The following ARHGAP8 variants were observed in gnomAD, a reference collection of about 807,000 sequenced individuals.
The protein encoded by ARHGAP8 is rho GTPase-activating protein 8.
A neutral mutation model predicts 46.1 loss-of-function variants in ARHGAP8; 62 were observed. The ratio of observed to expected loss-of-function variants is 1.34; its 90% CI spans 1.10 to 1.66. The LOEUF (loss-of-function observed/expected upper bound fraction) is 1.66, where lower values mean the gene tolerates loss of function less well. Ranked by LOEUF, ARHGAP8 falls within the 40% of genes most tolerant of loss-of-function variation. The probability of loss-of-function intolerance (pLI) is 0.00; values close to 1 mark genes in which losing one functional copy is unlikely to be tolerated. For missense variants in ARHGAP8, 923 were observed against 568.4 expected (o/e 1.62, Z -6.34); for synonymous variants, 375 against 243.1 (o/e 1.54, Z -5.05).
At chr22:44,767,034 T>C (rs1025884236) in intron 1 of ARHGAP8, among the ~76,000 whole-genome samples, 55 of 152,240 alleles carry the variant, frequency 3.6e-4, no homozygotes, top group African/African-American at 1.3e-3. Context: ...TAAAAGAAAA[T>C]GCAGAGCCGG....
intron 1 of ARHGAP8, among the ~76,000 whole-genome samples, chr22:44,762,190 T>C (rs1307875996): frequency 1.3e-5 from 2 of 152,176 alleles, no homozygotes; most frequent in Admixed American, 6.5e-5. Flanking sequence ...GTGATCCCAG[T>C]GAGCCGGAAG....
At chr22:44,762,921 TG>T (rs1304305194) in intron 1 of ARHGAP8, among the ~76,000 whole-genome samples, 2 of 152,062 alleles carry the variant, frequency 1.3e-5, no homozygotes, top group South Asian at 2.1e-4. Context: ...AGCTTCAGGA[TG>T]GGGGCTGTCC....
At chr22:44,777,568 C>A (rs934495620) in intron 1 of ARHGAP8, among the ~76,000 whole-genome samples, 1 of 152,034 alleles carries the variant, frequency 6.6e-6, no homozygotes, top group Non-Finnish European at 1.5e-5. Context: ...CTGCTCGTTA[C>A]CCATTTAACA....
chr22:44,800,581 CCA>C (rs1379387857), intron 2 of ARHGAP8, among the ~76,000 whole-genome samples: 7 of 126,014 alleles, frequency 5.6e-5, no homozygotes, highest in African/African-American at 1.9e-4. Flanking sequence ...CCGCAGCTGT[CCA>C]TGTGTGGGGG....
chr22:44,852,213 AAAAAGG>A (rs1569180866), intron 10 of ARHGAP8, among the ~76,000 whole-genome samples: 31 of 143,614 alleles, frequency 2.2e-4, no homozygotes, highest in African/African-American at 6.7e-4. Flanking sequence ...AAAAAAAAAA[AAAAAGG>A]AAGGGAGGAA....
intron 7 of ARHGAP8, among the ~76,000 whole-genome samples, chr22:44,835,231 C>CTA (rs71188491): frequency 0.06 from 8,736 of 146,786 alleles, 488 homozygotes; most frequent in African/African-American, 0.15. Flanking sequence ...GTTTCTTTTG[C>CTA]TATATATATA....
chr22:44,824,907 A>G (rs778452228), intron 6 of ARHGAP8, among the ~76,000 whole-genome samples: 1 of 151,990 alleles, frequency 6.6e-6, no homozygotes, highest in Non-Finnish European at 1.5e-5. Context: ...TGTTGGGATT[A>G]CAGGCGTGAG....
chr22:44,787,625 G>A (rs554161488), intron 2 of ARHGAP8, among the ~76,000 whole-genome samples: 188 of 152,220 alleles, frequency 1.2e-3, no homozygotes, highest in African/African-American at 4.3e-3. Flanking sequence ...GATTATAGGC[G>A]TGAGCCACCG....
At chr22:44,780,524 T>C (rs1926766966) in intron 1 of ARHGAP8, among the ~76,000 whole-genome samples, 1 of 150,264 alleles carries the variant, frequency 6.7e-6, no homozygotes, top group African/African-American at 2.5e-5. Flanking sequence ...TAGCCGGACA[T>C]GGTGGCGGGC....
intron 6 of ARHGAP8, among the ~76,000 whole-genome samples, chr22:44,823,204 T>C (rs930589618): frequency 1.3e-5 from 2 of 152,102 alleles, no homozygotes; most frequent in African/African-American, 4.8e-5. Context: ...GGGAGTGTGG[T>C]CTCTGCCCTC....
Position 44,793,832 on chromosome 22 carries a change from C to T in ARHGAP8, c.79+7226C>T, listed in dbSNP as rs112528352. ...CTTCCATATTATATCATATTGAAGC[C>T]TGGTTTTGATGTGCTGGCCTGTGTT... is the stretch of plus-strand genomic sequence containing the variant. On this transcript the variant is annotated intron_variant, in intron 2 of 11. Coordinates refer to ENST00000356099, the MANE Select transcript of ARHGAP8 (RefSeq NM_181335.3). Among the ~76,000 whole-genome samples, 780 of 152,238 alleles carry T rather than the reference C, an allele frequency of 5.1e-3. 4 individuals carry two copies. The highest frequency in any genetic ancestry group is 0.018 in the African/African-American group (752 of 41,542).
At chr22:44,755,636 G>T (rs2146979387) in intron 1 of ARHGAP8, among the ~76,000 whole-genome samples, 1 of 152,296 alleles carries the variant, frequency 6.6e-6, no homozygotes, top group South Asian at 2.1e-4. Flanking sequence ...GCTTCTGGCA[G>T]CCTGTTGTGT....
In ARHGAP8 at chr22:44,808,439, G is replaced by A. The variant is rs1929088611; in HGVS notation, c.299+1G>A. On this transcript the variant is annotated splice_donor_variant, in intron 4 of 11. Transcript: ENST00000356099. LOFTEE classifies it high-confidence loss of function. The stretch of plus-strand genomic sequence containing the variant: ...GCGCATACAAGGAGTTCGATAGGAA[G>A]TACGTGCCCGCAAGCCTTCAGGGAC... 5 of 1,613,924 alleles carry A rather than the reference G, an allele frequency of 3.1e-6. No homozygotes were observed. The South Asian group carries it at 3.3e-5, about 11-fold the overall frequency.
Position 44,822,355 on chromosome 22 carries a change from G to T in ARHGAP8, c.387-16G>T. 6.3e-7 allele frequency: 1 copy of T among 1,575,284 alleles called. No individual in the cohort carries two copies. The highest frequency in any genetic ancestry group is 1.2e-5 in the South Asian group (1 of 83,480). ...GCGCCTAATCGTTCTTTATTCTCTT[G>T]CTTCTGCTTTCTTAGTCACAAGTTT... On this transcript the variant is annotated splice_polypyrimidine_tract_variant and intron_variant, in intron 5 of 11. Coordinates refer to ENST00000356099, the MANE Select transcript of ARHGAP8 (RefSeq NM_181335.3).
intron 1 of ARHGAP8, among the ~76,000 whole-genome samples, chr22:44,780,750 A>G (rs1376362014): frequency 6.6e-6 from 1 of 152,186 alleles, no homozygotes; most frequent in Non-Finnish European, 1.5e-5. Flanking sequence ...GGCCAATGCC[A>G]TTAGTCCATG....
At chr22:44,816,808 A>T (rs1929778195) in intron 5 of ARHGAP8, among the ~76,000 whole-genome samples, 2 of 150,688 alleles carry the variant, frequency 1.3e-5, no homozygotes, top group Admixed American at 6.6e-5. Context: ...TGTCTCAAAA[A>T]AAAAAAAAAA....
intron 4 of ARHGAP8, 120 bp downstream of exon 4, chr22:44,808,558 G>A (rs1929099322): frequency 6.6e-7 from 1 of 1,512,040 alleles, no homozygotes; most frequent in African/African-American, 1.4e-5. Context: ...GGCGGAGGGT[G>A]GAGGGTGAGC....
At chr22:44,753,872 C>G (rs1924454018) in intron 1 of ARHGAP8, among the ~76,000 whole-genome samples, 2 of 152,198 alleles carry the variant, frequency 1.3e-5, no homozygotes, top group African/African-American at 4.8e-5. Flanking sequence ...TGGCATTTGT[C>G]CAGCTGAGAA....
At chr22:44,862,160 C>G (rs1018086999) in intron 11 of ARHGAP8, 115 bp from the exon 12 acceptor site, 1 of 1,293,804 alleles carries the variant, frequency 7.7e-7, no homozygotes, top group Non-Finnish European at 1.0e-6. Flanking sequence ...CTGCCGGCTC[C>G]CAGTCCAGTG....
Sources: gnomAD v4.1 joint callset for allele counts (sites outside exome capture counted in the v4.1 genomes callset) on GRCh38, gnomAD v4.1.1 for gene constraint, MANE v1.5 for transcripts, NCBI Gene and HGNC (gene_info 2026-07-23, HGNC 2026-07-21) for gene names.